The following PDE4D variants were observed in gnomAD, a reference collection of about 807,000 sequenced individuals.
PDE4D encodes phosphodiesterase 4D, also known as 3',5'-cyclic-AMP phosphodiesterase 4D.
A neutral mutation model predicts 87.4 loss-of-function variants in PDE4D; 24 were observed. The observed-to-expected ratio is 0.27, with a 90% CI of 0.20 to 0.39. The LOEUF is 0.39. PDE4D is among the 10% of genes least tolerant of loss of function. The pLI is 1.00. For missense variants in PDE4D, 714 were observed against 1,041.0 expected (o/e 0.69, Z 4.32); for synonymous variants, 384 against 383.2 (o/e 1.00, Z -0.02).
intron 1 of PDE4D, among the ~76,000 whole-genome samples, chr5:59,676,726 T>G (rs773969433): frequency 6.6e-6 from 1 of 152,230 alleles, no homozygotes; most frequent in Non-Finnish European, 1.5e-5. Context: ...ATACAATGCA[T>G]AGTGATCAGA....
chr5:60,007,960 T>G (rs1764648534), intron 2 of PDE4D, among the ~76,000 whole-genome samples: 1 of 151,976 alleles, frequency 6.6e-6, no homozygotes, highest in East Asian at 1.9e-4. Context: ...CCACATTTAT[T>G]CAGTTAAGAG....
chr5:59,598,107 CT>C (rs1354202939), intron 1 of PDE4D, among the ~76,000 whole-genome samples: 1 of 152,118 alleles, frequency 6.6e-6, no homozygotes, highest in Admixed American at 6.6e-5. Flanking sequence ...GTATCTTATA[CT>C]TTTCTCTCTG....
At chr5:59,934,334 G>A (rs887960290) in intron 3 of PDE4D, among the ~76,000 whole-genome samples, 3 of 152,196 alleles carry the variant, frequency 2.0e-5, no homozygotes, top group African/African-American at 7.2e-5. Context: ...ACTGGTAGAA[G>A]AGATGCAAGA....
intron 1 of PDE4D, among the ~76,000 whole-genome samples, chr5:59,412,687 C>T (rs1380999373): frequency 1.3e-5 from 2 of 152,098 alleles, no homozygotes; most frequent in East Asian, 3.9e-4. Context: ...TGACTTGATC[C>T]CCTATACAAA....
chr5:60,306,273 G>A (rs955954026), intron 1 of PDE4D, among the ~76,000 whole-genome samples: 4 of 151,978 alleles, frequency 2.6e-5, no homozygotes, highest in Non-Finnish European at 5.9e-5. Context: ...CTATTTTAAA[G>A]TTAAGAACAA....
chr5:59,040,670 C>T (rs1433987857), intron 5 of PDE4D, among the ~76,000 whole-genome samples: 1 of 152,176 alleles, frequency 6.6e-6, no homozygotes, highest in Non-Finnish European at 1.5e-5. Flanking sequence ...GCAAACCATT[C>T]ATAGTGAGGA....
intron 1 of PDE4D, among the ~76,000 whole-genome samples, chr5:59,467,969 T>G (rs1021724498): frequency 2.0e-5 from 3 of 152,154 alleles, no homozygotes; most frequent in African/African-American, 7.2e-5. Context: ...CTGGTTTTTT[T>G]TTCTAATTTA....
chr5:60,105,293 G>A lies in PDE4D; in HGVS notation c.42+80264C>T, dbSNP rs530086062. Among the ~76,000 whole-genome samples, 91 of 152,260 alleles carry A rather than the reference G, an allele frequency of 6.0e-4. 1 individual carries two copies. Among genetic ancestry groups the A allele is most frequent in the African/African-American group, 2.0e-3 (85 of 41,542 alleles). ...GAAGATGAAATGAATGAAATGAAGC[G>A]AGAAGGGAAGTTTAGAGAAAAAAGA... On this transcript the variant is annotated intron_variant, in intron 2 of 16. Coordinates refer to the PDE4D transcript ENST00000502484.
intron 1 of PDE4D, among the ~76,000 whole-genome samples, chr5:60,511,693 C>A (rs1750580897): frequency 6.6e-6 from 1 of 151,862 alleles, no homozygotes; most frequent in Non-Finnish European, 1.5e-5. Context: ...CAAGGATACA[C>A]AACTAGTAAG....
chr5:60,292,903 T>C (rs968556871), intron 1 of PDE4D, among the ~76,000 whole-genome samples: 6 of 152,208 alleles, frequency 3.9e-5, no homozygotes, highest in African/African-American at 1.4e-4. Context: ...AACTATCTCC[T>C]CTCTATTATG....
At chr5:59,481,647 G>A (rs1343092283) in intron 1 of PDE4D, among the ~76,000 whole-genome samples, 4 of 152,054 alleles carry the variant, frequency 2.6e-5, no homozygotes, top group Non-Finnish European at 5.9e-5. Flanking sequence ...CCACACTTCT[G>A]TGGTCTCCTC....
At chr5:60,312,567 A>T (rs1755145634) in intron 1 of PDE4D, among the ~76,000 whole-genome samples, 1 of 152,146 alleles carries the variant, frequency 6.6e-6, no homozygotes, top group Non-Finnish European at 1.5e-5. Flanking sequence ...GAGTGAGTGC[A>T]AGCAGGAGAA....
chr5:60,225,517 C>T (rs1278786014), intron 1 of PDE4D, among the ~76,000 whole-genome samples: 1 of 151,760 alleles, frequency 6.6e-6, no homozygotes, highest in Non-Finnish European at 1.5e-5. Context: ...ATAAATGGAG[C>T]TTCTGTCTCT....
intron 2 of PDE4D, among the ~76,000 whole-genome samples, chr5:60,053,334 A>G (rs998281011): frequency 3.3e-5 from 5 of 152,236 alleles, no homozygotes; most frequent in Non-Finnish European, 4.4e-5. Flanking sequence ...TACTGGTACC[A>G]AAACAGATAT....
intron 1 of PDE4D, among the ~76,000 whole-genome samples, chr5:59,295,526 T>C (rs923332202): frequency 1.3e-5 from 2 of 152,198 alleles, no homozygotes; most frequent in Non-Finnish European, 2.9e-5. Context: ...GGTTGCCTGT[T>C]GCCTCTGCTA....
At chr5:58,988,471 TG>T in intron 11 of PDE4D, 21 bp downstream of exon 11, 1 of 1,073,042 alleles carries the variant, frequency 9.3e-7, no homozygotes, top group Non-Finnish European at 1.3e-6. Context: ...AAATGTGTTC[TG>T]AAAAAATAAA....
chr5:59,831,177 T>G (rs1037059412), intron 1 of PDE4D, among the ~76,000 whole-genome samples: 1 of 151,928 alleles, frequency 6.6e-6, no homozygotes, highest in African/African-American at 2.4e-5. Context: ...TATTGTTGCC[T>G]GACAAGAAAA....
At chr5:60,490,348 TCA>T (rs1429082231), upstream of PDE4D, 1 of 152,158 alleles carries the variant, frequency 6.6e-6, no homozygotes, top group Admixed American at 6.5e-5. Flanking sequence ...AGGGGCAACC[TCA>T]CACTGAAACA....
Position 59,210,947 on chromosome 5 carries a change from C to A in PDE4D, c.647+4830G>T, listed in dbSNP as rs181547553. Among the ~76,000 whole-genome samples, 9 of 152,226 alleles carry A rather than the reference C, an allele frequency of 5.9e-5. No individual in the cohort carries two copies. The South Asian group carries it at 1.9e-3, about 32-fold the overall frequency. On this transcript the variant is annotated intron_variant, in intron 2 of 14. Transcript: ENST00000340635. ...TCTTAATCTTTGCAATGTATCATAA[C>A]TTTATGTGTTTCCAAATACAGATAC... is the stretch of plus-strand genomic sequence containing the variant.
Sources: allele counts gnomAD v4.1 joint callset (sites outside exome capture counted in the v4.1 genomes callset), GRCh38; gene constraint gnomAD v4.1.1; transcripts MANE v1.5; gene names NCBI Gene and HGNC (gene_info 2026-07-23, HGNC 2026-07-21).